ZNF385D: variants seen among roughly 807,000 people sequenced by gnomAD.
ZNF385D encodes the protein zinc finger protein 385D, also known as zinc finger protein 659.
ZNF385D carries 15 observed loss-of-function variants against 35.8 expected under a neutral mutation model. That is an observed-to-expected ratio of 0.42 (90% CI 0.28 to 0.64). The LOEUF (loss-of-function observed/expected upper bound fraction) is 0.64. ZNF385D is among the 30% of genes least tolerant of loss of function. The probability of loss-of-function intolerance (pLI) is 0.23; values close to 1 mark genes in which losing one functional copy is unlikely to be tolerated. For missense variants in ZNF385D, 474 were observed against 494.6 expected (o/e 0.96, Z 0.39); for synonymous variants, 212 against 186.8 (o/e 1.13, Z -1.10).
chr3:21,798,577 A>C (rs1262106471), intron 3 of ZNF385D, among the ~76,000 whole-genome samples: 1 of 152,124 alleles, frequency 6.6e-6, no homozygotes, highest in African/African-American at 2.4e-5. Flanking sequence ...CACCAGGATA[A>C]TCTCCTTTTT....
At chr3:21,842,342 G>A (rs1291451012) in intron 3 of ZNF385D, among the ~76,000 whole-genome samples, 1 of 151,928 alleles carries the variant, frequency 6.6e-6, no homozygotes, top group East Asian at 1.9e-4. Context: ...AAGATGGGAA[G>A]GGAAGGAGAA....
At chr3:22,067,089 TTA>T (rs1699997705) in intron 3 of ZNF385D, among the ~76,000 whole-genome samples, 1 of 152,184 alleles carries the variant, frequency 6.6e-6, no homozygotes. Flanking sequence ...CCAATTTACA[TTA>T]GTTAGAAGCT....
intron 3 of ZNF385D, among the ~76,000 whole-genome samples, chr3:22,126,162 GA>G (rs1218917722): frequency 3.3e-5 from 5 of 151,792 alleles, no homozygotes; most frequent in Admixed American, 1.3e-4. Flanking sequence ...AGCATCAATC[GA>G]AATGATTATA....
intron 3 of ZNF385D, among the ~76,000 whole-genome samples, chr3:22,030,272 T>TATCCTATACAAATAACAAATAGG (rs1553591217): frequency 3.6e-5 from 3 of 82,872 alleles, no homozygotes; most frequent in Admixed American, 2.4e-4. Context: ...TATATATATA[T>TATCCTATACAAATAACAAATAGG]ATATATATAT....
intron 3 of ZNF385D, among the ~76,000 whole-genome samples, chr3:22,069,034 G>A (rs974657829): frequency 7.2e-5 from 11 of 152,188 alleles, no homozygotes; most frequent in African/African-American, 2.7e-4. Flanking sequence ...ACTGTCACAA[G>A]ATGGCTGCCA....
intron 2 of ZNF385D, among the ~76,000 whole-genome samples, chr3:21,647,916 TA>T (rs2065802008): frequency 6.6e-6 from 1 of 152,206 alleles, no homozygotes; most frequent in Non-Finnish European, 1.5e-5. Flanking sequence ...GTCAACCGAT[TA>T]AAATATTACT....
At chr3:21,441,427 C>T (rs970623174) in intron 4 of ZNF385D, among the ~76,000 whole-genome samples, 4 of 152,192 alleles carry the variant, frequency 2.6e-5, no homozygotes, top group Non-Finnish European at 5.9e-5. Flanking sequence ...GATTTGAACA[C>T]AGTCTGGCTC....
In ZNF385D at chr3:21,539,059, A is replaced by C. The variant is rs2062108954; in HGVS notation, c.276+25515T>G. 6.6e-6 allele frequency among the ~76,000 whole-genome samples: 1 copy of C among 152,092 alleles called. No individual in the cohort carries two copies. The highest frequency in any genetic ancestry group is 6.5e-5 in the Admixed American group (1 of 15,280). ...TCTCTGGTCTGAGAAGAGATGAACTAGTTTTCAGCTAATACGGAACAAAGG... is the reference window on the plus strand; with the variant it reads ...TCTCTGGTCTGAGAAGAGATGAACTCGTTTTCAGCTAATACGGAACAAAGG... On this transcript the variant is annotated intron_variant, in intron 3 of 7. Transcript: ENST00000281523. The surrounding 1 kb of genome is among the most constrained non-coding windows in gnomAD (Gnocchi z 4.0).
At chr3:21,969,095 G>A (rs1389900897) in intron 3 of ZNF385D, among the ~76,000 whole-genome samples, 2 of 152,138 alleles carry the variant, frequency 1.3e-5, no homozygotes, top group Non-Finnish European at 2.9e-5. Context: ...CCACGGACCT[G>A]TGGTAGTGGT....
chr3:22,045,628 CTCATT>C (rs1194614708), intron 3 of ZNF385D, among the ~76,000 whole-genome samples: 1 of 152,134 alleles, frequency 6.6e-6, no homozygotes, highest in African/African-American at 2.4e-5. Flanking sequence ...GGGTTTTACT[CTCATT>C]TCTAGTGCTG....
chr3:22,012,157 G>A (rs561208714), intron 3 of ZNF385D, among the ~76,000 whole-genome samples: 1 of 152,126 alleles, frequency 6.6e-6, no homozygotes, highest in East Asian at 1.9e-4. Context: ...TTTTTTCCTG[G>A]GGCAAAGAAG....
intron 2 of ZNF385D, among the ~76,000 whole-genome samples, chr3:21,628,807 AATG>A (rs1474522613): frequency 6.6e-6 from 1 of 152,142 alleles, no homozygotes; most frequent in Non-Finnish European, 1.5e-5. Flanking sequence ...CACTATTAAT[AATG>A]ATAATAATAG....
chr3:21,556,439 A>G (rs2062745606), intron 3 of ZNF385D, among the ~76,000 whole-genome samples: 1 of 152,182 alleles, frequency 6.6e-6, no homozygotes, highest in South Asian at 2.1e-4. Context: ...CTTTCTGCAT[A>G]TGGTTAGCCA....
At chr3:22,315,677 G>A (rs929421476) in intron 2 of ZNF385D, among the ~76,000 whole-genome samples, 7 of 152,170 alleles carry the variant, frequency 4.6e-5, no homozygotes, top group Admixed American at 2.6e-4. Flanking sequence ...TTATGACTGC[G>A]ACAGAAGTCT....
chr3:21,683,120 G>T (rs764608417), intron 1 of ZNF385D, among the ~76,000 whole-genome samples: 1 of 149,508 alleles, frequency 6.7e-6, no homozygotes, highest in Non-Finnish European at 1.5e-5. Context: ...GATGCTATTG[G>T]TACATGATCC....
chr3:21,910,223 A>G (rs978973489), intron 3 of ZNF385D, among the ~76,000 whole-genome samples: 2 of 151,900 alleles, frequency 1.3e-5, no homozygotes, highest in Non-Finnish European at 2.9e-5. Context: ...TGTTTAGTAC[A>G]TTGTTGTTGG....
chr3:22,092,035 A>C (rs1409529371), intron 3 of ZNF385D, among the ~76,000 whole-genome samples: 1 of 152,208 alleles, frequency 6.6e-6, no homozygotes, highest in Non-Finnish European at 1.5e-5. Flanking sequence ...ATAACTTATT[A>C]GGTGGAAATA....
chr3:21,556,586 C>T (rs1266757591), intron 3 of ZNF385D, among the ~76,000 whole-genome samples: 1 of 152,098 alleles, frequency 6.6e-6, no homozygotes, highest in Non-Finnish European at 1.5e-5. Flanking sequence ...ATCTATATAT[C>T]TGTTTTGGTA....
At chr3:22,189,153 C>T (rs1695849057) in intron 2 of ZNF385D, among the ~76,000 whole-genome samples, 1 of 152,042 alleles carries the variant, frequency 6.6e-6, no homozygotes, top group African/African-American at 2.4e-5. Flanking sequence ...TGCTCATATA[C>T]TAAAGTTGGC....
Sources: allele counts gnomAD v4.1 joint callset (sites outside exome capture counted in the v4.1 genomes callset), GRCh38; gene constraint gnomAD v4.1.1; non-coding constraint Gnocchi (gnomAD v3.1); transcripts MANE v1.5; gene names NCBI Gene and HGNC (gene_info 2026-07-23, HGNC 2026-07-21).